KDM4C: variants seen among roughly 807,000 people sequenced by gnomAD.
KDM4C encodes lysine demethylase 4C.
A neutral mutation model predicts 129.3 loss-of-function variants in KDM4C; 81 were observed. That is an observed-to-expected ratio of 0.63 (90% CI 0.52 to 0.75). KDM4C has a LOEUF of 0.75. KDM4C is among the 30% of genes least tolerant of loss of function. KDM4C has a pLI of 0.00. For missense variants in KDM4C, 1,457 were observed against 1,304.0 expected (o/e 1.12, Z -1.81); for synonymous variants, 573 against 456.1 (o/e 1.26, Z -3.26).
At chr9:6,996,056 T>C (rs1819682398) in intron 12 of KDM4C, among the ~76,000 whole-genome samples, 1 of 152,242 alleles carries the variant, frequency 6.6e-6, no homozygotes, top group Admixed American at 6.5e-5. Context: ...AAGTCTGGAC[T>C]TTAGTCTAAC....
intron 1 of KDM4C, among the ~76,000 whole-genome samples, chr9:6,790,649 T>A (rs1826378645): frequency 1.6e-5 from 1 of 63,376 alleles, no homozygotes; most frequent in Admixed American, 2.4e-4. Context: ...GCAGATTAAA[T>A]TCAGCAAAAA....
intron 8 of KDM4C, among the ~76,000 whole-genome samples, chr9:6,938,970 T>C (rs371104643): frequency 1.1e-4 from 17 of 152,176 alleles, no homozygotes; most frequent in African/African-American, 4.1e-4. Flanking sequence ...GTCTGTAGTT[T>C]CTAACATTAT....
At chr9:6,930,413 C>G (rs760976225) in intron 8 of KDM4C, among the ~76,000 whole-genome samples, 1 of 151,314 alleles carries the variant, frequency 6.6e-6, no homozygotes, top group Non-Finnish European at 1.5e-5. Context: ...AAATAAAGCA[C>G]GCGTTGAATT....
At chr9:7,102,498 A>G (rs1410858626) in intron 17 of KDM4C, among the ~76,000 whole-genome samples, 3 of 152,088 alleles carry the variant, frequency 2.0e-5, no homozygotes, top group East Asian at 1.9e-4. Flanking sequence ...GGAATCCATT[A>G]TGATGCTGGG....
intron 4 of KDM4C, among the ~76,000 whole-genome samples, chr9:6,817,412 C>T (rs1001787463): frequency 3.3e-5 from 5 of 151,902 alleles, no homozygotes; most frequent in Admixed American, 1.3e-4. Flanking sequence ...CCTATGTTGC[C>T]CACGCTGGTC....
At chr9:7,071,667 A>T (rs189986276) in intron 17 of KDM4C, among the ~76,000 whole-genome samples, 1 of 152,222 alleles carries the variant, frequency 6.6e-6, no homozygotes. Flanking sequence ...TATAAAACTT[A>T]TAGAAGAAAA....
intron 1 of KDM4C, among the ~76,000 whole-genome samples, chr9:6,736,710 C>G (rs1042740241): frequency 6.6e-6 from 1 of 152,052 alleles, no homozygotes; most frequent in Non-Finnish European, 1.5e-5. Context: ...GCTCCTAGAT[C>G]TGAAAAAGAA....
chr9:6,812,238 A>G (rs954341359), intron 3 of KDM4C, among the ~76,000 whole-genome samples: 1 of 152,038 alleles, frequency 6.6e-6, no homozygotes, highest in African/African-American at 2.4e-5. Context: ...CTCTCAAAAA[A>G]AAAAAAAAAA....
intron 1 of KDM4C, among the ~76,000 whole-genome samples, chr9:6,747,151 CCACTG>C (rs1563924860): frequency 6.6e-6 from 1 of 151,836 alleles, no homozygotes; most frequent in Non-Finnish European, 1.5e-5. Context: ...CAAGATCACT[CCACTG>C]CACTTCAGCC....
chr9:6,958,702 T>G (rs74700853), intron 8 of KDM4C, among the ~76,000 whole-genome samples: 10 of 150,808 alleles, frequency 6.6e-5, no homozygotes, highest in Non-Finnish European at 1.3e-4. Flanking sequence ...TTTTTTTTTT[T>G]GGGACAGGGT....
intron 5 of KDM4C, among the ~76,000 whole-genome samples, chr9:6,865,008 CTTT>C (rs777981928): frequency 1.6e-5 from 2 of 126,578 alleles, no homozygotes; most frequent in Non-Finnish European, 1.6e-5. Context: ...AAATTTCTTT[CTTT>C]TTTTTTTTTT....
chr9:6,962,698 C>A (rs1029265442), intron 8 of KDM4C, among the ~76,000 whole-genome samples: 5 of 152,024 alleles, frequency 3.3e-5, no homozygotes, highest in African/African-American at 9.7e-5. Flanking sequence ...ACAACCCTGA[C>A]TCAGATTTAT....
intron 4 of KDM4C, 48 bp from the exon 5 acceptor site, chr9:6,849,459 G>C (rs1838426100): frequency 7.0e-7 from 1 of 1,431,832 alleles, no homozygotes; most frequent in South Asian, 1.6e-5. Flanking sequence ...TATCTTTCAT[G>C]GTTTAGTAAG....
At chr9:6,952,430 T>TAA (rs1468238795) in intron 8 of KDM4C, among the ~76,000 whole-genome samples, 2 of 138,706 alleles carry the variant, frequency 1.4e-5, no homozygotes, top group East Asian at 2.2e-4. Flanking sequence ...TATATATATA[T>TAA]AATAATAATT....
chr9:6,924,762 T>G (rs1822170471), intron 8 of KDM4C: 2 of 984,084 alleles, frequency 2.0e-6, no homozygotes, highest in South Asian at 9.4e-5. Flanking sequence ...CACAAAAACT[T>G]AAAATGTTTA....
At chr9:6,838,309 T>C (rs373076245) in intron 4 of KDM4C, among the ~76,000 whole-genome samples, 20 of 152,350 alleles carry the variant, frequency 1.3e-4, no homozygotes, top group African/African-American at 4.8e-4. Flanking sequence ...GCTATCTCTC[T>C]GCAGTGTTGG....
chr9:7,120,883 C>G (rs1305214621), intron 18 of KDM4C, among the ~76,000 whole-genome samples: 1 of 152,072 alleles, frequency 6.6e-6, no homozygotes, highest in Non-Finnish European at 1.5e-5. Flanking sequence ...TTGAATAGTT[C>G]TGACTATACA....
chr9:7,103,729 C>A lies in KDM4C; in HGVS notation c.2469C>A (p.Ala823=), dbSNP rs972332245. ...ACCGGGTTAAGAGGGTCTCTGGAGC[C>A]TGCATCCAGTGTTCCTACGGTCGCT... is the stretch of plus-strand genomic sequence containing the variant. ...CRHRVKRVSG[A]CIQCSYGRCP... The change falls in exon 18 of 22, where the codon GCC becomes GCA. Residue 823 remains alanine, a synonymous_variant. Transcript: ENST00000381309. The A allele has an allele frequency of 1.9e-6, 3 of 1,614,070 alleles. No homozygotes were observed. Among genetic ancestry groups the A allele is most frequent in the Middle Eastern group, 1.7e-4 (1 of 6,060 alleles).
intron 8 of KDM4C, among the ~76,000 whole-genome samples, chr9:6,905,481 T>A (rs956196494): frequency 2.0e-5 from 3 of 152,222 alleles, no homozygotes; most frequent in African/African-American, 7.2e-5. Context: ...TTTCCTCCTT[T>A]AGTCTTTGAC....
Sources: allele counts gnomAD v4.1 joint callset (sites outside exome capture counted in the v4.1 genomes callset), GRCh38; gene constraint gnomAD v4.1.1; transcripts MANE v1.5; gene names NCBI Gene and HGNC (gene_info 2026-07-23, HGNC 2026-07-21).